The following OPCML variants were observed in gnomAD, a reference collection of about 807,000 sequenced individuals.
OPCML encodes the protein opioid binding protein/cell adhesion molecule like, also known as opioid-binding protein/cell adhesion molecule.
Under a neutral mutation model 37.8 loss-of-function variants are expected in OPCML, and 13 were observed. The ratio of observed to expected loss-of-function variants is 0.34; its 90% confidence interval spans 0.22 to 0.55. The LOEUF (loss-of-function observed/expected upper bound fraction) is 0.55. Among genes scored for constraint, OPCML ranks in the 20% least tolerant of loss-of-function variants. The probability of loss-of-function intolerance (pLI) is 0.91; values close to 1 mark genes in which losing one functional copy is unlikely to be tolerated. For synonymous variants in OPCML, 176 were observed against 168.8 expected, an observed-to-expected ratio of 1.04 and a Z score of -0.33; for missense variants, 341 against 435.6, an observed-to-expected ratio of 0.78 and a Z score of 1.93.
intron 1 of OPCML, among the ~76,000 whole-genome samples, chr11:133,249,696 TA>T (rs1286299518): frequency 6.6e-6 from 1 of 152,162 alleles, no homozygotes; most frequent in Non-Finnish European, 1.5e-5. Context: ...GAGCTGCCAA[TA>T]AAACCTCCAC....
At chr11:132,746,762 G>A (rs148348213) in intron 2 of OPCML, among the ~76,000 whole-genome samples, 168 of 152,180 alleles carry the variant, frequency 1.1e-3, no homozygotes, top group African/African-American at 3.6e-3. Flanking sequence ...TTTGACTCCC[G>A]GGTAGGTATT....
chr11:133,189,878 G>A (rs1466641237), intron 1 of OPCML, among the ~76,000 whole-genome samples: 3 of 152,210 alleles, frequency 2.0e-5, no homozygotes, highest in Non-Finnish European at 4.4e-5. Context: ...CTTGCAGCTA[G>A]GGCAATTGAA....
At chr11:132,480,015 C>A (rs982889452) in intron 4 of OPCML, among the ~76,000 whole-genome samples, 1 of 152,140 alleles carries the variant, frequency 6.6e-6, no homozygotes, top group Non-Finnish European at 1.5e-5. Context: ...CAAAGCTGGA[C>A]GGAGAATGAC....
chr11:132,888,335 A>G (rs1394335259), intron 2 of OPCML, among the ~76,000 whole-genome samples: 1 of 152,148 alleles, frequency 6.6e-6, no homozygotes, highest in African/African-American at 2.4e-5. Context: ...ACAGAGTGGA[A>G]TGGATAACTT....
chr11:132,865,210 A>C (rs57893168), intron 2 of OPCML, among the ~76,000 whole-genome samples: 2,046 of 152,376 alleles, frequency 0.013, 39 homozygotes, highest in African/African-American at 0.044. Context: ...ACACACATAC[A>C]TACATCTTAC....
intron 3 of OPCML, among the ~76,000 whole-genome samples, chr11:132,614,392 C>T (rs1355365017): frequency 2.6e-5 from 4 of 152,116 alleles, no homozygotes; most frequent in Non-Finnish European, 5.9e-5. Context: ...GTTTAATAAC[C>T]TTTGAGACTG....
chr11:133,474,557 T>C (rs923908722), intron 1 of OPCML, among the ~76,000 whole-genome samples: 2 of 152,158 alleles, frequency 1.3e-5, no homozygotes, highest in African/African-American at 2.4e-5. Flanking sequence ...GGTAAAATCA[T>C]AGGGTGCTGT....
chr11:132,436,642 T>A lies in OPCML; in HGVS notation c.764+17A>T. On this transcript the variant is annotated intron_variant, in intron 6 of 7. Transcript: ENST00000524381. Reference sequence around the variant, plus strand: ...CAGCTCTGCTTCAGAACTGTCCAGGTGTCATTTAAAAGGTACCTGGTTTCT... The same window carrying A: ...CAGCTCTGCTTCAGAACTGTCCAGGAGTCATTTAAAAGGTACCTGGTTTCT... 1 of 1,613,974 alleles carries A rather than the reference T, an allele frequency of 6.2e-7. No individual in the cohort carries two copies. The highest frequency in any genetic ancestry group is 1.1e-5 in the South Asian group (1 of 91,066).
intron 1 of OPCML, among the ~76,000 whole-genome samples, chr11:133,148,128 A>G (rs1257699675): frequency 1.3e-5 from 2 of 152,178 alleles, no homozygotes; most frequent in Non-Finnish European, 1.5e-5. Flanking sequence ...TCAAAATGCT[A>G]AACTCCTATA....
At chr11:133,168,329 C>A in intron 1 of OPCML, among the ~76,000 whole-genome samples, 1 of 151,906 alleles carries the variant, frequency 6.6e-6, no homozygotes, top group African/African-American at 2.4e-5. Flanking sequence ...GAAACTGGGG[C>A]TTGGGGGGAA....
intron 1 of OPCML, among the ~76,000 whole-genome samples, chr11:133,344,650 C>G (rs969168779): frequency 6.6e-6 from 1 of 152,102 alleles, no homozygotes; most frequent in Admixed American, 6.5e-5. Flanking sequence ...TTTTTGAGAA[C>G]CCCCCACACT....
chr11:132,452,658 T>C (rs934755285), intron 4 of OPCML, among the ~76,000 whole-genome samples: 12 of 152,044 alleles, frequency 7.9e-5, no homozygotes, highest in African/African-American at 2.9e-4. Context: ...CCTTTTTTCA[T>C]GTCCTCCCTC....
chr11:132,536,117 A>G (rs1286192695), intron 3 of OPCML, among the ~76,000 whole-genome samples: 1 of 152,158 alleles, frequency 6.6e-6, no homozygotes, highest in Non-Finnish European at 1.5e-5. Context: ...AGTCACCCAG[A>G]GCTGCCCAGC....
At chr11:132,497,874 T>G (rs1464153820) in intron 4 of OPCML, among the ~76,000 whole-genome samples, 8 of 152,174 alleles carry the variant, frequency 5.3e-5, no homozygotes, top group Admixed American at 2.0e-4. Context: ...GGCTACACTC[T>G]GTACTTTTTT....
In OPCML at chr11:132,505,149, C is replaced by T. The variant is rs185412184; in HGVS notation, c.505+23912G>A. Reference sequence around the variant, plus strand: ...TTTGAAGAGTAGAATTAAAACAGGACTCAAAATTTACTCAAAAGGCAGAGA... The same window carrying T: ...TTTGAAGAGTAGAATTAAAACAGGATTCAAAATTTACTCAAAAGGCAGAGA... On this transcript the variant is annotated intron_variant, in intron 4 of 7. Coordinates refer to ENST00000524381, the MANE Select transcript of OPCML (RefSeq NM_001012393.5). 8.9e-4 allele frequency among the ~76,000 whole-genome samples: 135 copies of T among 152,204 alleles called. 1 individual carries two copies. Among genetic ancestry groups the T allele is most frequent in the African/African-American group, 3.1e-3 (129 of 41,534 alleles).
At chr11:132,455,850 C>T (rs1445393521) in intron 4 of OPCML, among the ~76,000 whole-genome samples, 1 of 152,154 alleles carries the variant, frequency 6.6e-6, no homozygotes, top group Non-Finnish European at 1.5e-5. Context: ...CCTCACACAG[C>T]TTACATTTTA....
chr11:132,506,930 TA>T (rs541034693), intron 4 of OPCML, among the ~76,000 whole-genome samples: 7 of 151,656 alleles, frequency 4.6e-5, no homozygotes, highest in East Asian at 3.9e-4. Context: ...TCAGTTGGAT[TA>T]AAAAAAAGAT....
intron 2 of OPCML, among the ~76,000 whole-genome samples, chr11:132,724,361 C>T (rs536134224): frequency 2.6e-5 from 4 of 152,250 alleles, no homozygotes; most frequent in African/African-American, 7.2e-5. Flanking sequence ...TCTGTTTTTG[C>T]ACTGCTGTTA....
chr11:132,972,399 C>T (rs1372890299), intron 1 of OPCML, among the ~76,000 whole-genome samples: 2 of 152,192 alleles, frequency 1.3e-5, no homozygotes, highest in African/African-American at 4.8e-5. Flanking sequence ...GGGCCATCCA[C>T]CTGGCAGGGG....
Sources: gnomAD v4.1 joint callset for allele counts (sites outside exome capture counted in the v4.1 genomes callset) on GRCh38, gnomAD v4.1.1 for gene constraint, MANE v1.5 for transcripts, NCBI Gene and HGNC (gene_info 2026-07-23, HGNC 2026-07-21) for gene names.